GARS1: variants seen among roughly 807,000 people sequenced by gnomAD.
The protein encoded by GARS1 is glycine--tRNA ligase.
Under a neutral mutation model 86.4 loss-of-function variants are expected in GARS1, and 46 were observed. That is an observed-to-expected ratio of 0.53 (90% CI 0.42 to 0.68). The LOEUF (loss-of-function observed/expected upper bound fraction) is 0.68. Ranked by LOEUF, GARS1 falls within the 30% of genes least tolerant of loss-of-function variation. GARS1 has a pLI of 0.00. For missense variants in GARS1, 797 were observed against 915.6 expected (o/e 0.87, Z 1.67); for synonymous variants, 342 against 329.8 (o/e 1.04, Z -0.40).
chr7:30,611,348 T>C (rs1012470307), intron 7 of GARS1, among the ~76,000 whole-genome samples: 2 of 152,226 alleles, frequency 1.3e-5, no homozygotes, highest in African/African-American at 4.8e-5. Flanking sequence ...AGTTAAGTTT[T>C]AATATGTGGG....
chr7:30,632,242 G>A lies in GARS1; in HGVS notation c.1904-5G>A. ...TTTTTAATTTACTTTGTTTATTTTGGATAGCGGAAGCCCTGACCAGGCATG... is the reference window on the plus strand; with the variant it reads ...TTTTTAATTTACTTTGTTTATTTTGAATAGCGGAAGCCCTGACCAGGCATG... On this transcript the variant is annotated splice_polypyrimidine_tract_variant and splice_region_variant and intron_variant, in intron 15 of 16. Transcript: ENST00000389266. This position sits in a 1 kb window ranked among gnomAD's most constrained non-coding sequence, Gnocchi z 4.1. The A allele has an allele frequency of 3.7e-6, 6 of 1,613,860 alleles. No homozygotes were observed. Among genetic ancestry groups the A allele is most frequent in the Non-Finnish European group, 5.1e-6 (6 of 1,179,856 alleles).
intron 6 of GARS1, among the ~76,000 whole-genome samples, chr7:30,604,198 C>T (rs1013693199): frequency 3.3e-5 from 5 of 152,026 alleles, no homozygotes; most frequent in Admixed American, 3.3e-4. Flanking sequence ...CACAGACCAC[C>T]CTAAGAATGT....
intron 6 of GARS1, among the ~76,000 whole-genome samples, chr7:30,608,427 T>C (rs918595950): frequency 4.6e-5 from 7 of 152,230 alleles, no homozygotes; most frequent in East Asian, 1.9e-4. Flanking sequence ...CTTATATTTA[T>C]GGTACCCGTG....
At chr7:30,615,558 A>G (rs1782875031) in intron 8 of GARS1, among the ~76,000 whole-genome samples, 1 of 152,178 alleles carries the variant, frequency 6.6e-6, no homozygotes, top group Non-Finnish European at 1.5e-5. Flanking sequence ...AGCTGGAGGG[A>G]AGGAATTAAT....
In GARS1 at chr7:30,603,107, G is replaced by T; in HGVS notation, c.643G>T (p.Asp215Tyr). Reference protein sequence around the residue: ...DVKNGECFRADHLLKAHLQKL... With the variant: ...DVKNGECFRAYHLLKAHLQKL... ...AAAAAATGGAGAATGTTTTCGTGCT[G>T]ACCATCTATTAAAAGGTGAGGTTCT... Residue 215 changes from aspartate (D) to tyrosine (Y), a missense_variant, in exon 5 of 17, where the codon GAC becomes TAC. This residue lies in a region of GARS1 where 598 missense variants were observed against 738.7 expected (regional missense o/e 0.81). Coordinates refer to ENST00000389266, the MANE Select transcript of GARS1 (RefSeq NM_002047.4). 1 of 1,613,506 alleles carries T rather than the reference G, an allele frequency of 6.2e-7. No individual in the cohort carries two copies. Among genetic ancestry groups the T allele is most frequent in the South Asian group, 1.1e-5 (1 of 91,048 alleles).
At chr7:30,606,003 A>G (rs1791476633) in intron 6 of GARS1, among the ~76,000 whole-genome samples, 1 of 151,622 alleles carries the variant, frequency 6.6e-6, no homozygotes, top group Admixed American at 6.6e-5. Context: ...CCCTCCCCGC[A>G]TTTTCATTAA....
intron 8 of GARS1, among the ~76,000 whole-genome samples, chr7:30,613,972 A>AT (rs1782833112): frequency 6.6e-6 from 1 of 152,200 alleles, no homozygotes; most frequent in Middle Eastern, 3.4e-3. Flanking sequence ...TTTTATTTTG[A>AT]TTGACTTATC....
intron 4 of GARS1, 127 bp from the exon 5 acceptor site, chr7:30,602,907 T>C: frequency 1.3e-6 from 1 of 742,092 alleles, no homozygotes; most frequent in Non-Finnish European, 2.5e-6. Flanking sequence ...GATACATCAT[T>C]ACTATAGATA....
chr7:30,617,867 A>G (rs1366010723), intron 10 of GARS1, among the ~76,000 whole-genome samples: 3 of 152,196 alleles, frequency 2.0e-5, no homozygotes, highest in African/African-American at 7.2e-5. Context: ...GACGAAAGGC[A>G]TTTGCATATA....
rs537365362 is a variant in GARS1, at chr7:30,633,854, G to A, written c.2214G>A (p.Glu738=). Residue 738 remains glutamate, a synonymous_variant, in exon 17 of 17, where the codon GAG becomes GAA. Transcript: ENST00000389266. ...GQETGKKETI[E]E ...AGACTGGTAAAAAAGAGACAATCGA[G>A]GAATGAGGACAATTTTGACAACTTT... is the stretch of plus-strand genomic sequence containing the variant. 2 of 1,598,232 alleles carry A rather than the reference G, an allele frequency of 1.3e-6. No homozygotes were observed. Among genetic ancestry groups the A allele is most frequent in the South Asian group, 2.2e-5 (2 of 90,824 alleles).
chr7:30,596,481 T>G (rs1218128996), intron 1 of GARS1, among the ~76,000 whole-genome samples: 1 of 150,984 alleles, frequency 6.6e-6, no homozygotes, highest in East Asian at 1.9e-4. Context: ...TACAACTAAT[T>G]TGGAGAAAAA....
At chr7:30,606,567 G>A (rs1791489833) in intron 6 of GARS1, among the ~76,000 whole-genome samples, 1 of 152,120 alleles carries the variant, frequency 6.6e-6, no homozygotes, top group South Asian at 2.1e-4. Context: ...TCAGTCAGTT[G>A]CAGTTATCTT....
intron 6 of GARS1, among the ~76,000 whole-genome samples, chr7:30,605,967 T>C (rs868473830): frequency 6.6e-6 from 1 of 152,222 alleles, no homozygotes; most frequent in African/African-American, 2.4e-5. Context: ...TCTTCCAATC[T>C]GTATGGCCTT....
chr7:30,609,926 G>T (rs895514597), intron 7 of GARS1, among the ~76,000 whole-genome samples, 196 bp downstream of exon 7: 16 of 151,866 alleles, frequency 1.1e-4, no homozygotes, highest in African/African-American at 3.4e-4. Flanking sequence ...TTCTTTTTTG[G>T]CATATATGTA....
chr7:30,605,727 T>A (rs1791470728), intron 6 of GARS1, among the ~76,000 whole-genome samples: 1 of 152,210 alleles, frequency 6.6e-6, no homozygotes, highest in African/African-American at 2.4e-5. Context: ...ATTATACCTG[T>A]AAATTTTTCA....
At chr7:30,623,703 A>G (rs555857603) in intron 12 of GARS1, among the ~76,000 whole-genome samples, 23 of 152,224 alleles carry the variant, frequency 1.5e-4, no homozygotes, top group Non-Finnish European at 2.1e-4. Context: ...TGAAAACGCT[A>G]AAACTACAGA....
At chr7:30,630,492 T>C (rs1332731259) in intron 14 of GARS1, among the ~76,000 whole-genome samples, 1 of 151,900 alleles carries the variant, frequency 6.6e-6, no homozygotes, top group Admixed American at 6.6e-5. Flanking sequence ...TTGGTTTGCC[T>C]TCCACAGAAT....
intron 10 of GARS1, among the ~76,000 whole-genome samples, chr7:30,617,686 T>C (rs1782917654): frequency 1.3e-5 from 2 of 152,180 alleles, no homozygotes; most frequent in Non-Finnish European, 2.9e-5. Flanking sequence ...ATGTAGTAGC[T>C]TTGGGGAATA....
chr7:30,600,471 C>T (rs1791350248), intron 3 of GARS1, among the ~76,000 whole-genome samples: 1 of 152,126 alleles, frequency 6.6e-6, no homozygotes, highest in South Asian at 2.1e-4. Context: ...AACATTCTTC[C>T]CAGGGATGTA....
Sources: allele counts gnomAD v4.1 joint callset (sites outside exome capture counted in the v4.1 genomes callset), GRCh38; gene constraint gnomAD v4.1.1; regional missense constraint gnomAD v4.1.1; non-coding constraint Gnocchi (gnomAD v3.1); transcripts MANE v1.5; gene names NCBI Gene and HGNC (gene_info 2026-07-23, HGNC 2026-07-21).